The following WDR70 variants were observed in gnomAD, a reference collection of about 807,000 sequenced individuals.
WDR70 encodes the protein WD repeat-containing protein 70.
A neutral mutation model predicts 88.6 loss-of-function variants in WDR70; 53 were observed. The observed-to-expected ratio is 0.60, with a 90% CI of 0.48 to 0.75. The LOEUF (loss-of-function observed/expected upper bound fraction) is 0.75. Among genes scored for constraint, WDR70 ranks in the 30% least tolerant of loss-of-function variants. The pLI is 0.00. For missense variants in WDR70, 610 were observed against 823.2 expected (o/e 0.74, Z 3.17); for synonymous variants, 280 against 270.0 (o/e 1.04, Z -0.36).
chr5:37,600,524 C>CT (rs1743846069), intron 9 of WDR70, among the ~76,000 whole-genome samples: 2 of 39,988 alleles, frequency 5.0e-5, no homozygotes, highest in African/African-American at 1.3e-4. Context: ...AAGACTCCGT[C>CT]TCAAAAAAAA....
chr5:37,556,817 A>G (rs1458581911), intron 9 of WDR70, among the ~76,000 whole-genome samples: 5 of 152,204 alleles, frequency 3.3e-5, no homozygotes, highest in African/African-American at 1.2e-4. Flanking sequence ...CCCTTCTATA[A>G]CACTATAAAA....
At chr5:37,625,439 T>C (rs981930279) in intron 10 of WDR70, among the ~76,000 whole-genome samples, 1 of 152,172 alleles carries the variant, frequency 6.6e-6, no homozygotes, top group African/African-American at 2.4e-5. Flanking sequence ...GTGGTGTTCA[T>C]GAGTATTTTT....
chr5:37,421,832 G>A (rs1749955242), intron 5 of WDR70, among the ~76,000 whole-genome samples: 1 of 151,544 alleles, frequency 6.6e-6, no homozygotes, highest in Non-Finnish European at 1.5e-5. Flanking sequence ...CCTAGATGAG[G>A]GACTTTTTCA....
intron 3 of WDR70, among the ~76,000 whole-genome samples, chr5:37,388,937 C>CCT (rs1357308820): frequency 2.6e-5 from 4 of 151,886 alleles, no homozygotes; most frequent in African/African-American, 9.7e-5. Flanking sequence ...GAGTAGGCAG[C>CCT]CTCAGTATCT....
At chr5:37,561,773 A>C (rs1016067101) in intron 9 of WDR70, among the ~76,000 whole-genome samples, 1 of 152,224 alleles carries the variant, frequency 6.6e-6, no homozygotes, top group African/African-American at 2.4e-5. Flanking sequence ...ACTGCTTTTT[A>C]GTAGTAAATT....
At chr5:37,452,124 G>T (rs1330291156) in intron 7 of WDR70, among the ~76,000 whole-genome samples, 2 of 152,026 alleles carry the variant, frequency 1.3e-5, no homozygotes, top group South Asian at 2.1e-4. Flanking sequence ...ACACCCAATG[G>T]GTATGTTAAT....
At chr5:37,563,388 G>A (rs1290212397) in intron 9 of WDR70, among the ~76,000 whole-genome samples, 1 of 56,004 alleles carries the variant, frequency 1.8e-5, no homozygotes, top group Non-Finnish European at 4.0e-5. Context: ...GGGCAGAGGC[G>A]CCCCTCACCT....
intron 5 of WDR70, among the ~76,000 whole-genome samples, chr5:37,428,834 A>T (rs1750217995): frequency 6.6e-6 from 1 of 152,198 alleles, no homozygotes; most frequent in Admixed American, 6.5e-5. Context: ...ACTGTTTTTT[A>T]GAGTGATTAT....
chr5:37,499,461 A>G lies in WDR70; in HGVS notation c.841-17053A>G, dbSNP rs192883243. Among the ~76,000 whole-genome samples, 29 of 146,918 alleles carry G rather than the reference A, an allele frequency of 2.0e-4. No individual in the cohort carries two copies. The East Asian group carries it at 5.4e-3, about 27-fold the overall frequency. ...TTTTTTAATGAAGTGTCTATATTCA[A>G]TTTTTTTCTGCTCAGATTGGGGAAG... On this transcript the variant is annotated intron_variant, in intron 8 of 17. Transcript: ENST00000265107.
At chr5:37,423,688 C>T (rs970825159) in intron 5 of WDR70, among the ~76,000 whole-genome samples, 2 of 149,870 alleles carry the variant, frequency 1.3e-5, no homozygotes, top group African/African-American at 2.4e-5. Flanking sequence ...CTCAGCTTCC[C>T]AGGTAGCTAG....
intron 8 of WDR70, among the ~76,000 whole-genome samples, chr5:37,490,322 T>G (rs1450181367): frequency 6.7e-6 from 1 of 149,960 alleles, no homozygotes; most frequent in South Asian, 2.1e-4. Flanking sequence ...GCAGGGAGAG[T>G]CTATCCTCAG....
intron 9 of WDR70, among the ~76,000 whole-genome samples, chr5:37,586,935 C>T (rs576146505): frequency 1.3e-5 from 2 of 152,304 alleles, no homozygotes; most frequent in African/African-American, 4.8e-5. Flanking sequence ...ATTGCCACTT[C>T]TACCAAAATT....
chr5:37,735,699 A>C (rs1357717932), intron 17 of WDR70, among the ~76,000 whole-genome samples: 1 of 152,188 alleles, frequency 6.6e-6, no homozygotes, highest in Non-Finnish European at 1.5e-5. Flanking sequence ...CAAGTAGCAA[A>C]GTATTTGAAA....
At chr5:37,572,326 T>C (rs530324913) in intron 9 of WDR70, among the ~76,000 whole-genome samples, 43 of 151,990 alleles carry the variant, frequency 2.8e-4, no homozygotes, top group Non-Finnish European at 5.6e-4. Flanking sequence ...AAGAGGCTGC[T>C]GGATCTATAT....
chr5:37,465,654 A>G (rs1159483330), intron 7 of WDR70, among the ~76,000 whole-genome samples: 4 of 123,996 alleles, frequency 3.2e-5, no homozygotes, highest in Admixed American at 2.1e-4. Context: ...ACAAATTGTC[A>G]TGAGTTTTTT....
At chr5:37,571,735 T>G (rs1038856749) in intron 9 of WDR70, among the ~76,000 whole-genome samples, 4 of 152,170 alleles carry the variant, frequency 2.6e-5, no homozygotes, top group Non-Finnish European at 5.9e-5. Flanking sequence ...ACATCCCTTC[T>G]CCCATCCTCT....
intron 8 of WDR70, among the ~76,000 whole-genome samples, chr5:37,509,455 G>A (rs1463265613): frequency 1.3e-5 from 2 of 151,732 alleles, no homozygotes; most frequent in African/African-American, 2.4e-5. Context: ...AAAAATTCTG[G>A]CCTCAAGTGA....
intron 5 of WDR70, among the ~76,000 whole-genome samples, chr5:37,407,073 G>A (rs1445436302): frequency 6.6e-6 from 1 of 152,166 alleles, no homozygotes; most frequent in East Asian, 1.9e-4. Flanking sequence ...CAAATAATTA[G>A]GTGTAGTCCA....
At chr5:37,710,786 A>G (rs1747488649) in intron 13 of WDR70, among the ~76,000 whole-genome samples, 1 of 152,126 alleles carries the variant, frequency 6.6e-6, no homozygotes, top group Non-Finnish European at 1.5e-5. Context: ...TTTGTTTGCC[A>G]TAGATTTTTT....
Sources: gnomAD v4.1 joint callset for allele counts (sites outside exome capture counted in the v4.1 genomes callset) on GRCh38, gnomAD v4.1.1 for gene constraint, MANE v1.5 for transcripts, NCBI Gene and HGNC (gene_info 2026-07-23, HGNC 2026-07-21) for gene names.